Variants in CBLB observed in about 807,000 individuals in gnomAD.
CBLB encodes the protein E3 ubiquitin-protein ligase CBL-B.
Under a neutral mutation model 104.9 loss-of-function variants are expected in CBLB, and 31 were observed. The ratio of observed to expected loss-of-function variants is 0.30; its 90% CI spans 0.22 to 0.40. CBLB has a LOEUF of 0.40. Among genes scored for constraint, CBLB ranks in the 10% least tolerant of loss-of-function variants. The probability of loss-of-function intolerance (pLI) is 1.00; values close to 1 mark genes in which losing one functional copy is unlikely to be tolerated. For missense variants in CBLB, 1,062 were observed against 1,214.6 expected, an observed-to-expected ratio of 0.87 and a Z score of 1.87; for synonymous variants, 440 against 422.6, an observed-to-expected ratio of 1.04 and a Z score of -0.51.
At position 105,868,246 on chromosome 3, in the gene CBLB, GAGAAA is replaced by G. The variant is rs143944717; in HGVS notation, c.-15+485_-15+489del. ...AACACACAAATAGCCCATTTGAAAAGAGAAAAGAGAAAAATGACAAGAGCGGCCAC... is the reference window on the plus strand; with the variant it reads ...AACACACAAATAGCCCATTTGAAAAGAGAGAAAAATGACAAGAGCGGCCAC... On this transcript the variant is annotated intron_variant, in intron 1 of 18. Coordinates refer to ENST00000394030, the MANE Select transcript of CBLB (RefSeq NM_170662.5). The G allele has an allele frequency of 1.8e-3, 2,241 of 1,230,492 alleles. 27 individuals carry two copies. The African/African-American group carries it at 0.03, about 16-fold the overall frequency. The allele number at this position is 1,230,492 out of a possible 1,614,324, so 76.2% of individuals were successfully genotyped here.
intron 3 of CBLB, among the ~76,000 whole-genome samples, chr3:105,826,989 T>A (rs764692950): frequency 6.6e-6 from 1 of 152,192 alleles, no homozygotes; most frequent in Non-Finnish European, 1.5e-5. Flanking sequence ...CAGCTATGCA[T>A]AATGAATGTG....
chr3:105,695,598 A>C lies in CBLB; in HGVS notation c.1960-2010T>G, dbSNP rs1329980479. On this transcript the variant is annotated intron_variant, in intron 12 of 18. Coordinates refer to ENST00000394030, the MANE Select transcript of CBLB (RefSeq NM_170662.5). Reference sequence around the variant, plus strand: ...TAAGTGACTTATTCCTAATTTTTTGAAACAATCCATTAATCTGCTTTAAAA... The same window carrying C: ...TAAGTGACTTATTCCTAATTTTTTGCAACAATCCATTAATCTGCTTTAAAA... Among the ~76,000 whole-genome samples, 4 of 152,000 alleles carry C rather than the reference A, an allele frequency of 2.6e-5. No homozygotes were observed. The East Asian group carries it at 7.7e-4, about 29-fold the overall frequency.
intron 3 of CBLB, among the ~76,000 whole-genome samples, chr3:105,805,862 A>G (rs1383754336): frequency 6.6e-6 from 1 of 151,978 alleles, no homozygotes; most frequent in Non-Finnish European, 1.5e-5. Flanking sequence ...AATTATATTC[A>G]CGTATCTCCA....
At chr3:105,722,568 A>AATTTCAGTGCAATT (rs11276533) in intron 9 of CBLB, among the ~76,000 whole-genome samples, 151,786 of 152,278 alleles carry the variant, frequency 1, 75,650 homozygotes, top group East Asian at 1. Context: ...TTAAAGACCT[A>AATTTCAGTGCAATT]ATCGTAACTA....
At chr3:105,859,908 G>T (rs1005046594) in intron 2 of CBLB, among the ~76,000 whole-genome samples, 1 of 152,046 alleles carries the variant, frequency 6.6e-6, no homozygotes, top group Non-Finnish European at 1.5e-5. Flanking sequence ...TTTTTTAATA[G>T]ATTATTAATT....
Position 105,744,609 on chromosome 3 carries a change from A to G in CBLB, c.845+1308T>C, listed in dbSNP as rs2075924865. ...ATTTTCATAATGGCAGAGAAGAAAA[A>G]ATCAGCACTATTGGCTTGCACTTAA... On this transcript the variant is annotated intron_variant, in intron 6 of 18. Coordinates refer to ENST00000394030, the MANE Select transcript of CBLB (RefSeq NM_170662.5). 2.0e-5 allele frequency among the ~76,000 whole-genome samples: 3 copies of G among 152,250 alleles called. No homozygotes were observed. In the South Asian group the frequency reaches 6.2e-4, roughly 32 times the overall value.
At position 105,779,524 on chromosome 3, in the gene CBLB, AAT is replaced by A. The variant is rs559818379; in HGVS notation, c.420-2984_420-2983del. On this transcript the variant is annotated intron_variant, in intron 3 of 18. Coordinates refer to ENST00000394030, the MANE Select transcript of CBLB (RefSeq NM_170662.5). ...ATGCATATATACATACACATTCCAG[AAT>A]ATATATATTTACTTTATACTTATAC... Among the ~76,000 whole-genome samples the A allele has an allele frequency of 5.4e-3, 818 of 152,136 alleles. 8 individuals carry two copies. Among genetic ancestry groups the A allele is most frequent in the African/African-American group, 0.019 (771 of 41,522 alleles).
At chr3:105,670,481 G>A (rs2064954927) in intron 17 of CBLB, 129 bp from the exon 18 acceptor site, 2 of 745,108 alleles carry the variant, frequency 2.7e-6, no homozygotes, top group Admixed American at 5.0e-5. Flanking sequence ...ATTCATGACT[G>A]ATATTAACCA....
At chr3:105,805,517 G>T (rs932460781) in intron 3 of CBLB, among the ~76,000 whole-genome samples, 2 of 152,106 alleles carry the variant, frequency 1.3e-5, no homozygotes, top group Non-Finnish European at 2.9e-5. Flanking sequence ...TGTTGCCCAG[G>T]CTGGTCTCAA....
intron 3 of CBLB, among the ~76,000 whole-genome samples, chr3:105,789,054 G>A (rs1404292431): frequency 6.6e-6 from 1 of 152,064 alleles, no homozygotes; most frequent in Non-Finnish European, 1.5e-5. Flanking sequence ...AAAAACATTC[G>A]GTAAACCCAC....
intron 18 of CBLB, among the ~76,000 whole-genome samples, chr3:105,668,816 G>A (rs1395358839): frequency 6.6e-6 from 1 of 152,114 alleles, no homozygotes; most frequent in Non-Finnish European, 1.5e-5. Flanking sequence ...CTACCGTACT[G>A]ACAATTCTTA....
intron 3 of CBLB, among the ~76,000 whole-genome samples, chr3:105,805,079 G>C (rs139947662): frequency 6.6e-6 from 1 of 152,194 alleles, no homozygotes; most frequent in East Asian, 1.9e-4. Flanking sequence ...TGGTTCCACT[G>C]CTTCCAATCT....
At chr3:105,827,496 G>GTA (rs2153070682) in intron 3 of CBLB, among the ~76,000 whole-genome samples, 1 of 152,116 alleles carries the variant, frequency 6.6e-6, no homozygotes, top group East Asian at 1.9e-4. Context: ...GTGTGTATGT[G>GTA]TGTGTGTGTG....
At chr3:105,764,199 T>G (rs1273705381) in intron 4 of CBLB, among the ~76,000 whole-genome samples, 1 of 152,112 alleles carries the variant, frequency 6.6e-6, no homozygotes, top group East Asian at 1.9e-4. Context: ...CCTCTATAAA[T>G]CCAGGGGCAC....
rs1706680614 is a variant in CBLB, at chr3:105,868,976, A to G, written c.-255T>C. The G allele has an allele frequency of 9.7e-7, 1 of 1,028,080 alleles. No individual in the cohort carries two copies. The highest frequency in any genetic ancestry group is 1.2e-6 in the Non-Finnish European group (1 of 857,900). The allele number at this position is 1,028,080 out of a possible 1,614,324, so 63.7% of individuals were successfully genotyped here. ...ACTCGGGGAGGCCGCGGGACGCCGC[A>G]GCAGCACTAGCAGGAGGAGGAGACC... On this transcript the variant is annotated 5_prime_UTR_variant, in exon 1 of 19. Coordinates refer to ENST00000394030, the MANE Select transcript of CBLB (RefSeq NM_170662.5).
At chr3:105,859,006 A>T (rs1405544718) in intron 2 of CBLB, among the ~76,000 whole-genome samples, 3 of 152,222 alleles carry the variant, frequency 2.0e-5, no homozygotes, top group Non-Finnish European at 4.4e-5. Context: ...CAAAAGCACA[A>T]ATACAAAAAC....
intron 2 of CBLB, among the ~76,000 whole-genome samples, chr3:105,853,865 T>G (rs1044570708): frequency 1.3e-5 from 2 of 152,318 alleles, no homozygotes; most frequent in East Asian, 3.9e-4. Flanking sequence ...CATTCAATCT[T>G]TTCTATATCA....
chr3:105,857,679 T>C lies in CBLB; in HGVS notation c.169-4015A>G, dbSNP rs575334095. Among the ~76,000 whole-genome samples the C allele has an allele frequency of 9.5e-4, 144 of 152,362 alleles. 1 individual carries two copies. Among genetic ancestry groups the C allele is most frequent in the African/African-American group, 3.4e-3 (143 of 41,580 alleles). On this transcript the variant is annotated intron_variant, in intron 2 of 18. Transcript: ENST00000394030. ...CCTGCTAAACTCATTTACATTTTTA[T>C]TTTATTCCATTTGCAAATTTACGTA...
chr3:105,755,884 A>C (rs2152920735), intron 4 of CBLB, among the ~76,000 whole-genome samples: 1 of 152,340 alleles, frequency 6.6e-6, no homozygotes, highest in African/African-American at 2.4e-5. Flanking sequence ...GTTCACTAGT[A>C]ACAATTTTGT....
Sources: allele counts gnomAD v4.1 joint callset (sites outside exome capture counted in the v4.1 genomes callset), GRCh38; gene constraint gnomAD v4.1.1; transcripts MANE v1.5; gene names NCBI Gene and HGNC (gene_info 2026-07-23, HGNC 2026-07-21).